SEC63: variants seen among roughly 807,000 people sequenced by gnomAD.
SEC63 encodes the protein translocation protein SEC63 homolog.
SEC63 carries 56 observed loss-of-function variants against 116.2 expected under a neutral mutation model. That is an observed-to-expected ratio of 0.48 (90% CI 0.39 to 0.60). The LOEUF (loss-of-function observed/expected upper bound fraction) is 0.60, where lower values mean the gene tolerates loss of function less well. Ranked by LOEUF, SEC63 falls within the 20% of genes least tolerant of loss-of-function variation. The pLI is 0.00. For missense variants in SEC63, 668 were observed against 900.0 expected, an observed-to-expected ratio of 0.74 and a Z score of 3.30; for synonymous variants, 273 against 294.6, an observed-to-expected ratio of 0.93 and a Z score of 0.75.
At chr6:107,916,041 C>T (rs937280408) in intron 4 of SEC63, among the ~76,000 whole-genome samples, 4 of 151,344 alleles carry the variant, frequency 2.6e-5, no homozygotes, top group Non-Finnish European at 5.9e-5. Flanking sequence ...AGTGACCACA[C>T]ATCATAGTCA....
Position 107,906,596 on chromosome 6 carries a change from T to C in SEC63, c.829-16A>G. ...CTCTGATTAGCTAGAATAAATAAAA[T>C]AATTATTCAAAAACACGCTTTTTTT... On this transcript the variant is annotated splice_polypyrimidine_tract_variant and intron_variant, in intron 9 of 20. Transcript: ENST00000369002. The C allele has an allele frequency of 6.2e-7, 1 of 1,610,410 alleles. No homozygotes were observed. The highest frequency in any genetic ancestry group is 8.5e-7 in the Non-Finnish European group (1 of 1,176,848).
At chr6:107,874,366 G>C (rs539678647) in intron 19 of SEC63, among the ~76,000 whole-genome samples, 1 of 152,170 alleles carries the variant, frequency 6.6e-6, no homozygotes, top group South Asian at 2.1e-4. Flanking sequence ...AGGCCAAGGC[G>C]GGCGGATCAC....
intron 1 of SEC63, among the ~76,000 whole-genome samples, chr6:107,945,347 C>G (rs1233107591): frequency 6.7e-6 from 1 of 150,162 alleles, no homozygotes; most frequent in East Asian, 2.0e-4. Context: ...CACTCTGTCG[C>G]CCAGGCTGGA....
At chr6:107,954,417 G>A (rs1465150530) in intron 1 of SEC63, among the ~76,000 whole-genome samples, 1 of 133,470 alleles carries the variant, frequency 7.5e-6, no homozygotes, top group African/African-American at 2.9e-5. Context: ...ATTGTCCTAT[G>A]ACCCTGCCAA....
intron 16 of SEC63, among the ~76,000 whole-genome samples, chr6:107,893,107 T>TAC (rs55814816): frequency 1.1e-3 from 157 of 145,906 alleles, no homozygotes; most frequent in East Asian, 7.7e-3. Context: ...TGAAATACTA[T>TAC]ACACACACAC....
intron 4 of SEC63, among the ~76,000 whole-genome samples, chr6:107,917,947 G>C (rs1242237352): frequency 6.6e-6 from 1 of 152,164 alleles, no homozygotes; most frequent in South Asian, 2.1e-4. Flanking sequence ...TTTCAATGTA[G>C]ACAAAATAGC....
chr6:107,929,181 A>T (rs1434338445), intron 2 of SEC63, among the ~76,000 whole-genome samples: 1 of 152,180 alleles, frequency 6.6e-6, no homozygotes, highest in East Asian at 1.9e-4. Context: ...AGGTCCCTCA[A>T]GATATGACTT....
intron 14 of SEC63, among the ~76,000 whole-genome samples, chr6:107,895,559 T>A (rs1020342412): frequency 6.6e-6 from 1 of 151,636 alleles, no homozygotes; most frequent in African/African-American, 2.4e-5. Context: ...GAAAAAAATA[T>A]ATATATGTTT....
rs749040427 is a variant in SEC63 at position 107,893,931 on chromosome 6, G to A, written c.1441-34C>T. The stretch of plus-strand genomic sequence containing the variant: ...CGGCAAGAAGAGAAATACAAAATCT[G>A]TCAACCTATATTTATCTTTCAGACA... On this transcript the variant is annotated intron_variant, in intron 14 of 20. Transcript: ENST00000369002. 8 of 1,603,376 alleles carry A rather than the reference G, an allele frequency of 5.0e-6. No individual in the cohort carries two copies. The South Asian group carries it at 7.7e-5, about 15-fold the overall frequency.
At chr6:107,908,883 C>A (rs1480422935) in intron 8 of SEC63, 44 bp downstream of exon 8, 1 of 1,152,566 alleles carries the variant, frequency 8.7e-7, no homozygotes, top group South Asian at 1.3e-5. Context: ...ACATAAGTCA[C>A]AAAACAATGT....
At chr6:107,916,830 C>A (rs867221726) in intron 4 of SEC63, among the ~76,000 whole-genome samples, 31 of 152,352 alleles carry the variant, frequency 2.0e-4, no homozygotes, top group African/African-American at 6.7e-4. Flanking sequence ...GCTCCACTCA[C>A]TGGCCATTCC....
At position 107,918,904 on chromosome 6, in the gene SEC63, CTTTTTTTT is replaced by C. The variant is rs1164457296; in HGVS notation, c.452+2885_452+2892del. 4.2e-4 allele frequency among the ~76,000 whole-genome samples: 23 copies of C among 54,766 alleles called. No homozygotes were observed. The Admixed American group carries it at 5.0e-3, about 12-fold the overall frequency. 35.9% of individuals were successfully genotyped at this position (54,766 alleles called of 152,430 possible). A position where few individuals can be genotyped will look rare whatever the true frequency, so the allele number is the denominator to read the frequency against. On this transcript the variant is annotated intron_variant, in intron 4 of 20. Coordinates refer to ENST00000369002, the MANE Select transcript of SEC63 (RefSeq NM_007214.5). ...GAGGAGTTTGGTAGAAGCTGATTTC[CTTTTTTTT>C]TTTTTTTTTTTTTTTTGAGACAGAG...
rs1385624947 is a variant in SEC63 at position 107,904,409 on chromosome 6, C to CA, written c.1054+219dup. Among the ~76,000 whole-genome samples, 226 of 111,678 alleles carry CA rather than the reference C, an allele frequency of 2.0e-3. 2 individuals are homozygous for CA. Among genetic ancestry groups the CA allele is most frequent in the African/African-American group, 5.7e-3 (171 of 29,810 alleles). 73.3% of individuals were successfully genotyped at this position (111,678 alleles called of 152,430 possible). A position where few individuals can be genotyped will look rare whatever the true frequency, so the allele number is the denominator to read the frequency against. ...TGGGCGACAAAGCAAGACTCCATCT[C>CA]AAAAAAAAAAAAGAACAAAAAAAAC... is the stretch of plus-strand genomic sequence containing the variant. On this transcript the variant is annotated intron_variant, in intron 11 of 20. Transcript: ENST00000369002.
intron 14 of SEC63, among the ~76,000 whole-genome samples, chr6:107,896,188 G>A (rs1304219381): frequency 6.6e-6 from 1 of 151,972 alleles, no homozygotes; most frequent in Non-Finnish European, 1.5e-5. Context: ...AATAGGCTGG[G>A]CGCAGTTGCT....
At chr6:107,930,356 A>T (rs1006747302) in intron 1 of SEC63, among the ~76,000 whole-genome samples, 6 of 151,882 alleles carry the variant, frequency 4.0e-5, no homozygotes. Flanking sequence ...CACGCCTGTA[A>T]TCCCGGCACT....
intron 16 of SEC63, among the ~76,000 whole-genome samples, chr6:107,886,591 A>C (rs1023008671): frequency 6.6e-6 from 1 of 152,054 alleles, no homozygotes; most frequent in Admixed American, 6.5e-5. Context: ...TTTGATTTGC[A>C]TTTCTCTAAT....
intron 16 of SEC63, among the ~76,000 whole-genome samples, chr6:107,883,871 A>G (rs1204027997): frequency 6.6e-6 from 1 of 152,020 alleles, no homozygotes; most frequent in African/African-American, 2.4e-5. Context: ...TTTAACTAAC[A>G]AGGTATGATG....
chr6:107,875,471 C>A (rs1004875633), intron 19 of SEC63, among the ~76,000 whole-genome samples: 14 of 152,028 alleles, frequency 9.2e-5, no homozygotes, highest in African/African-American at 3.4e-4. Flanking sequence ...CCAAAGCAGG[C>A]GGATCTCTTG....
At chr6:107,881,405 A>T (rs1408280353) in intron 17 of SEC63, among the ~76,000 whole-genome samples, 155 bp from the exon 18 acceptor site, 1 of 152,060 alleles carries the variant, frequency 6.6e-6, no homozygotes, top group Non-Finnish European at 1.5e-5. Flanking sequence ...CATCCTTACA[A>T]TGCCTTTTTA....
Sources: gnomAD v4.1 joint callset for allele counts (sites outside exome capture counted in the v4.1 genomes callset) on GRCh38, gnomAD v4.1.1 for gene constraint, MANE v1.5 for transcripts, NCBI Gene and HGNC (gene_info 2026-07-23, HGNC 2026-07-21) for gene names.